The following DPP10 variants were observed in gnomAD, a reference collection of about 807,000 sequenced individuals.
DPP10 encodes dipeptidyl peptidase like 10, also known as inactive dipeptidyl peptidase 10.
A neutral mutation model predicts 120.9 loss-of-function variants in DPP10; 33 were observed. The ratio of observed to expected loss-of-function variants is 0.27; its 90% CI spans 0.21 to 0.37. The LOEUF (loss-of-function observed/expected upper bound fraction) is 0.37. Ranked by LOEUF, DPP10 falls within the 10% of genes least tolerant of loss-of-function variation. The probability of loss-of-function intolerance (pLI) is 1.00; values close to 1 mark genes in which losing one functional copy is unlikely to be tolerated. For synonymous variants in DPP10, 337 were observed against 326.1 expected (o/e 1.03, Z -0.36); for missense variants, 816 against 942.8 (o/e 0.87, Z 1.76).
chr2:115,555,448 A>G (rs2080150930), intron 5 of DPP10, among the ~76,000 whole-genome samples: 1 of 152,150 alleles, frequency 6.6e-6, no homozygotes, highest in African/African-American at 2.4e-5. Context: ...ACTAGGAAAT[A>G]TATGGGAAAA....
At position 115,727,757 on chromosome 2, in the gene DPP10, G is replaced by C. The variant is rs376657654; in HGVS notation, c.577-59G>C. ...TCAGTGATCATTCTGTAATATTAAA[G>C]TTTCAAAAGGCATCCTAACGTGTTG... On this transcript the variant is annotated intron_variant, in intron 7 of 25. Transcript: ENST00000410059. 1.2e-5 allele frequency: 18 copies of C among 1,517,802 alleles called. No individual in the cohort carries two copies. In the African/African-American group the frequency reaches 2.4e-4, roughly 20 times the overall value. 94.0% of individuals were successfully genotyped at this position (1,517,802 alleles called of 1,614,324 possible). A position where few individuals can be genotyped will look rare whatever the true frequency, so the allele number is the denominator to read the frequency against.
At chr2:115,345,169 A>G (rs970775707) in intron 3 of DPP10, among the ~76,000 whole-genome samples, 8 of 152,208 alleles carry the variant, frequency 5.3e-5, no homozygotes, top group African/African-American at 1.9e-4. Flanking sequence ...AATTGAAATC[A>G]ATTGGAAGAT....
At chr2:115,161,535 C>G (rs1257486550) in intron 1 of DPP10, 1 of 153,874 alleles carries the variant, frequency 6.5e-6, no homozygotes, top group Admixed American at 6.6e-5. Context: ...CCGGCTGCTC[C>G]ACCTGGCGCG....
chr2:115,115,843 A>G (rs1415419526), intron 1 of DPP10, among the ~76,000 whole-genome samples: 1 of 152,228 alleles, frequency 6.6e-6, no homozygotes, highest in Non-Finnish European at 1.5e-5. Flanking sequence ...GATGTTAATT[A>G]GCACAGTGTT....
intron 1 of DPP10, among the ~76,000 whole-genome samples, chr2:114,996,371 A>G (rs916490038): frequency 1.3e-5 from 2 of 152,214 alleles, no homozygotes; most frequent in African/African-American, 4.8e-5. Context: ...GAGCATGGAG[A>G]GTATGTCTAT....
intron 3 of DPP10, among the ~76,000 whole-genome samples, chr2:115,427,107 A>G (rs1354176976): frequency 2.0e-5 from 3 of 152,178 alleles, no homozygotes; most frequent in Non-Finnish European, 2.9e-5. Flanking sequence ...TGTCCCACAT[A>G]CAGGGCACAC....
chr2:115,198,047 C>T (rs567079482), intron 1 of DPP10, among the ~76,000 whole-genome samples: 4 of 152,298 alleles, frequency 2.6e-5, no homozygotes, highest in Admixed American at 1.3e-4. Flanking sequence ...CATTGCCTCT[C>T]AAACTCTTTC....
chr2:115,499,221 A>G (rs2076557561), intron 3 of DPP10, among the ~76,000 whole-genome samples: 2 of 152,052 alleles, frequency 1.3e-5, no homozygotes, highest in South Asian at 2.1e-4. Context: ...TTTTCTCACC[A>G]CAGAATGTGC....
rs553891439 is a variant in DPP10, at chr2:114,639,800, C to T, written c.60+196962C>T. On this transcript the variant is annotated intron_variant, in intron 1 of 25. Coordinates refer to ENST00000410059, the MANE Select transcript of DPP10 (RefSeq NM_020868.6). Reference sequence around the variant, plus strand: ...TTCTTTTATCAAGTTATTACCTTAACATAGATTGTTTTCTTAGTTGTGAAA... The same window carrying T: ...TTCTTTTATCAAGTTATTACCTTAATATAGATTGTTTTCTTAGTTGTGAAA... Among the ~76,000 whole-genome samples the T allele has an allele frequency of 2.0e-5, 3 of 151,942 alleles. No homozygotes were observed. In the East Asian group the frequency reaches 5.8e-4, roughly 29 times the overall value.
intron 1 of DPP10, among the ~76,000 whole-genome samples, chr2:115,104,468 T>A (rs1272764964): frequency 6.6e-6 from 1 of 152,222 alleles, no homozygotes; most frequent in Non-Finnish European, 1.5e-5. Context: ...ATTGATTGAT[T>A]CATAATTTCA....
At chr2:114,689,269 T>TC (rs34965949) in intron 1 of DPP10, among the ~76,000 whole-genome samples, 2 of 151,268 alleles carry the variant, frequency 1.3e-5, no homozygotes, top group Non-Finnish European at 2.9e-5. Flanking sequence ...AGTGTGTTAT[T>TC]CCCCCCCAAC....
chr2:115,826,812 GTTTTTC>G (rs1218555826), intron 21 of DPP10, among the ~76,000 whole-genome samples: 1 of 151,916 alleles, frequency 6.6e-6, no homozygotes, highest in Non-Finnish European at 1.5e-5. Context: ...TTACTCCATT[GTTTTTC>G]TTTTTATCTA....
intron 3 of DPP10, among the ~76,000 whole-genome samples, chr2:115,446,528 T>G (rs565892148): frequency 6.6e-6 from 1 of 151,930 alleles, no homozygotes; most frequent in Admixed American, 6.6e-5. Flanking sequence ...CCGATTTCAG[T>G]CAGGAGCACT....
intron 1 of DPP10, among the ~76,000 whole-genome samples, chr2:114,785,964 G>A (rs1033479550): frequency 6.6e-6 from 1 of 152,132 alleles, no homozygotes; most frequent in Non-Finnish European, 1.5e-5. Context: ...CAAGAAGTAA[G>A]ATTTAAAAAT....
At chr2:115,759,484 A>T (rs981084342) in intron 11 of DPP10, among the ~76,000 whole-genome samples, 1 of 152,096 alleles carries the variant, frequency 6.6e-6, no homozygotes, top group Non-Finnish European at 1.5e-5. Context: ...CATAATTAGA[A>T]TGACTACACT....
intron 1 of DPP10, among the ~76,000 whole-genome samples, chr2:114,501,397 G>A (rs1005480918): frequency 7.2e-5 from 11 of 152,064 alleles, no homozygotes; most frequent in African/African-American, 2.7e-4. Context: ...TTTGTGTTTT[G>A]ATGAACAAGA....
chr2:115,456,124 AC>A (rs1672944251), intron 3 of DPP10, among the ~76,000 whole-genome samples: 1 of 152,186 alleles, frequency 6.6e-6, no homozygotes, highest in African/African-American at 2.4e-5. Flanking sequence ...CAAGAAAAAA[AC>A]AACCCCATCA....
intron 5 of DPP10, among the ~76,000 whole-genome samples, chr2:115,549,210 C>G (rs1448671228): frequency 6.6e-6 from 1 of 152,122 alleles, no homozygotes; most frequent in African/African-American, 2.4e-5. Context: ...AAATAATGTA[C>G]AAACTAGTTA....
intron 21 of DPP10, among the ~76,000 whole-genome samples, chr2:115,833,624 A>G (rs977842488): frequency 2.0e-5 from 3 of 152,142 alleles, no homozygotes; most frequent in African/African-American, 7.2e-5. Context: ...AAAATTCTAC[A>G]CCTGACCCTA....
Sources: allele counts gnomAD v4.1 joint callset (sites outside exome capture counted in the v4.1 genomes callset), GRCh38; gene constraint gnomAD v4.1.1; transcripts MANE v1.5; gene names NCBI Gene and HGNC (gene_info 2026-07-23, HGNC 2026-07-21).